RP2: variants seen among roughly 807,000 people sequenced by gnomAD.
The protein encoded by RP2 is protein XRP2.
In RP2, 3 loss-of-function variants were observed where a neutral mutation model predicts 20.3. The ratio of observed to expected loss-of-function variants is 0.15; its 90% CI spans 0.07 to 0.38. The LOEUF (loss-of-function observed/expected upper bound fraction) is 0.38. Among genes scored for constraint, RP2 ranks in the 10% least tolerant of loss-of-function variants. RP2 has a pLI of 1.00. For missense variants in RP2, 233 were observed against 268.5 expected, an observed-to-expected ratio of 0.87 and a Z score of 0.92; for synonymous variants, 75 against 94.8, an observed-to-expected ratio of 0.79 and a Z score of 1.22.
In RP2 at chrX:46,879,768, G is replaced by C; in HGVS notation, c.1052G>C (p.Ter351SerextTer33). 1 of 1,147,888 alleles carries C rather than the reference G, an allele frequency of 8.7e-7. No homozygotes were observed. Among genetic ancestry groups the C allele is most frequent in the Non-Finnish European group, 1.2e-6 (1 of 840,554 alleles). The allele number at this position is 1,147,888 out of a possible 1,213,427, so 94.6% of individuals were successfully genotyped here. Reference protein sequence around the residue: ...YNFADIQMGI* With the variant: ...YNFADIQMGIS ...TTTGCTGATATACAGATGGGAATATGAAGTGCAATGTGGAACCAGGACTTG... is the reference window on the plus strand; with the variant it reads ...TTTGCTGATATACAGATGGGAATATCAAGTGCAATGTGGAACCAGGACTTG... Residue 351 changes from the stop codon to serine, a stop_lost, in exon 5 of 5, where the codon TGA (stop) becomes TCA (serine). Transcript: ENST00000218340.
intron 3 of RP2, among the ~76,000 whole-genome samples, chrX:46,869,300 CTT>C (rs200572647): frequency 5.0e-4 from 49 of 97,861 alleles, no homozygotes; most frequent in African/African-American, 1.2e-3. Context: ...TGTAGTTTTT[CTT>C]TTTTTTTTTT....
intron 1 of RP2, among the ~76,000 whole-genome samples, chrX:46,839,561 A>T (rs5905570): frequency 0.18 from 20,213 of 110,293 alleles, 1,553 homozygotes; most frequent in East Asian, 0.37. Flanking sequence ...CCAAAAAAAA[A>T]AAATAAATAA....
chrX:46,847,745 T>TGTGTGTATATACACAC (rs1924755105), intron 1 of RP2, among the ~76,000 whole-genome samples: 2 of 80,042 alleles, frequency 2.5e-5, no homozygotes, highest in African/African-American at 1.2e-4. Context: ...TACACACATA[T>TGTGTGTATATACACAC]GTGTGTGTGT....
At chrX:46,862,510 A>G (rs5906284) in intron 3 of RP2, among the ~76,000 whole-genome samples, 18,692 of 109,311 alleles carry the variant, frequency 0.17, 1,408 homozygotes, top group East Asian at 0.35. Flanking sequence ...AATACAAAAA[A>G]TTAGCCGGGC....
At chrX:46,842,990 T>C (rs1438852370) in intron 1 of RP2, among the ~76,000 whole-genome samples, 1 of 109,164 alleles carries the variant, frequency 9.2e-6, no homozygotes, top group Non-Finnish European at 1.9e-5. Flanking sequence ...GGTCATATGG[T>C]AACTCTATGT....
chrX:46,837,299 G>A (rs1924530275), intron 1 of RP2, 97 bp downstream of exon 1: 1 of 865,627 alleles, frequency 1.2e-6, no homozygotes, highest in African/African-American at 2.0e-5. Flanking sequence ...CCCAACTGCT[G>A]CCGCACTCTC....
intron 3 of RP2, among the ~76,000 whole-genome samples, chrX:46,862,763 T>C (rs1295695836): frequency 8.9e-6 from 1 of 112,427 alleles, no homozygotes; most frequent in African/African-American, 3.2e-5. Context: ...GTGATCACCA[T>C]GTTAACCCAG....
At chrX:46,847,871 TATATACACGC>T (rs200927813) in intron 1 of RP2, among the ~76,000 whole-genome samples, 30 of 100,391 alleles carry the variant, frequency 3.0e-4, no homozygotes, top group African/African-American at 9.3e-4. Context: ...TGTGTGTATA[TATATACACGC>T]ATATATATGC....
chrX:46,851,212 A>G (rs1034775574), intron 1 of RP2, among the ~76,000 whole-genome samples: 3 of 112,302 alleles, frequency 2.7e-5, no homozygotes, highest in Non-Finnish European at 3.8e-5. Context: ...TATAGTCACA[A>G]ACAGTTAAAA....
intron 1 of RP2, among the ~76,000 whole-genome samples, chrX:46,847,028 C>G (rs1367725831): frequency 8.9e-6 from 1 of 111,797 alleles, no homozygotes; most frequent in African/African-American, 3.2e-5. Context: ...TGCACCTCGC[C>G]TAGCTTTAAA....
At chrX:46,856,258 A>G (rs1361516206) in intron 2 of RP2, among the ~76,000 whole-genome samples, 2 of 111,994 alleles carry the variant, frequency 1.8e-5, no homozygotes, top group Non-Finnish European at 3.8e-5. Context: ...CCATCAAAAC[A>G]GTGTTTCTTC....
intron 3 of RP2, among the ~76,000 whole-genome samples, chrX:46,864,347 CTTTTTT>C (rs782091799): frequency 1.0e-5 from 1 of 95,253 alleles, no homozygotes; most frequent in Non-Finnish European, 2.1e-5. Flanking sequence ...TCCTTCCTTT[CTTTTTT>C]TTTTTTTTTT....
chrX:46,843,642 A>T (rs1253182044), intron 1 of RP2, among the ~76,000 whole-genome samples: 4 of 111,920 alleles, frequency 3.6e-5, no homozygotes, highest in African/African-American at 9.7e-5. Context: ...TAGGATGTAA[A>T]AATAGATTCA....
intron 1 of RP2, among the ~76,000 whole-genome samples, chrX:46,844,717 T>C (rs956230091): frequency 4.5e-5 from 5 of 111,600 alleles, no homozygotes; most frequent in African/African-American, 1.6e-4. Flanking sequence ...CTGGGTCAAA[T>C]GGTATTTCTA....
intron 3 of RP2, among the ~76,000 whole-genome samples, chrX:46,869,192 G>T (rs1175504649): frequency 3.6e-5 from 4 of 111,554 alleles, no homozygotes; most frequent in African/African-American, 6.5e-5. Flanking sequence ...CAGGAAGATT[G>T]CTTGAAGCAA....
intron 2 of RP2, among the ~76,000 whole-genome samples, chrX:46,854,798 C>T (rs1924927186): frequency 9.1e-6 from 1 of 109,507 alleles, no homozygotes; most frequent in Non-Finnish European, 1.9e-5. Context: ...CGGGGTCTTG[C>T]TCTGTCACCC....
chrX:46,856,779 A>G (rs1556319288), intron 2 of RP2, among the ~76,000 whole-genome samples: 2 of 112,074 alleles, frequency 1.8e-5, no homozygotes, highest in Non-Finnish European at 3.8e-5. Context: ...CTATTTGGCT[A>G]TAGTTATCCT....
rs1012306261 is a variant in RP2 at position 46,841,346 on chromosome X, C to T, written c.102+4144C>T. 8.0e-5 allele frequency among the ~76,000 whole-genome samples: 9 copies of T among 112,226 alleles called. No homozygotes were observed. In the East Asian group the frequency reaches 2.2e-3, roughly 28 times the overall value. Reference sequence around the variant, plus strand: ...TATTCTAGTTACCCATTGCTGTGTACCAAACCACCCTAAAACTTAATGGTT... The same window carrying T: ...TATTCTAGTTACCCATTGCTGTGTATCAAACCACCCTAAAACTTAATGGTT... On this transcript the variant is annotated intron_variant, in intron 1 of 4. Coordinates refer to ENST00000218340, the MANE Select transcript of RP2 (RefSeq NM_006915.3).
chrX:46,837,435 G>A (rs1602342798), intron 1 of RP2, among the ~76,000 whole-genome samples: 1 of 111,760 alleles, frequency 8.9e-6, no homozygotes, highest in African/African-American at 3.2e-5. Context: ...GTTTGTTGTC[G>A]TGGTAGACAG....
Sources: allele counts gnomAD v4.1 joint callset (sites outside exome capture counted in the v4.1 genomes callset), GRCh38; gene constraint gnomAD v4.1.1; transcripts MANE v1.5; gene names NCBI Gene and HGNC (gene_info 2026-07-23, HGNC 2026-07-21).